Variants in LAMB3 observed in about 807,000 individuals in gnomAD.
LAMB3 encodes the protein laminin subunit beta 3, also known as laminin subunit beta-3.
In LAMB3, 104 loss-of-function variants were observed where a neutral mutation model predicts 140.3. The ratio of observed to expected loss-of-function variants is 0.74; its 90% CI spans 0.63 to 0.87. The LOEUF is 0.87. Ranked by LOEUF, LAMB3 falls within the 40% of genes least tolerant of loss-of-function variation. The pLI, the probability that LAMB3 is intolerant of heterozygous loss-of-function variation, is 0.00. For synonymous variants in LAMB3, 592 were observed against 602.9 expected (o/e 0.98, Z 0.26); for missense variants, 1,531 against 1,575.2 (o/e 0.97, Z 0.47).
chr1:209,623,927 T>G lies in LAMB3; in HGVS notation c.2050A>C (p.Ser684Arg). The G allele has an allele frequency of 6.2e-7, 1 of 1,614,028 alleles. No individual in the cohort carries two copies. Among genetic ancestry groups the G allele is most frequent in the Non-Finnish European group, 8.5e-7 (1 of 1,179,976 alleles). ...ETLSLPRDLE[S>R]LDRSFNGLLT... The stretch of plus-strand genomic sequence containing the variant: ...AGACCATTGAAGCTTCTGTCAAGAC[T>G]CTCCAGGTCTCTCGGAAGGGACAAC... The change falls in exon 15 of 23, where the codon AGT becomes CGT. Residue 684 changes from serine to arginine, a missense_variant. Ser to Arg is a moderately radical substitution (Grantham distance 110, BLOSUM62 -1). Coordinates refer to ENST00000356082, the MANE Select transcript of LAMB3 (RefSeq NM_000228.3). This position sits in a 1 kb window ranked among gnomAD's most constrained non-coding sequence, Gnocchi z 4.2.
chr1:209,647,765 G>T (rs569473303), intron 3 of LAMB3, among the ~76,000 whole-genome samples: 1 of 152,094 alleles, frequency 6.6e-6, no homozygotes, highest in Non-Finnish European at 1.5e-5. Context: ...TGTTTCTCTC[G>T]GAAGTCTAAG....
chr1:209,623,646 C>T lies in LAMB3; in HGVS notation c.2217G>A (p.Leu739=). 1 of 1,614,206 alleles carries T rather than the reference C, an allele frequency of 6.2e-7. No individual in the cohort carries two copies. ...AQQVSDSSRL[L]DQLRDSRREA... is the part of the protein sequence containing the mutation. ...CTCTCCGGCTGTCCCTGAGCTGGTCCAAAAGGCGCGAGCTGTCGGAGACCT... is the reference window on the plus strand; with the variant it reads ...CTCTCCGGCTGTCCCTGAGCTGGTCTAAAAGGCGCGAGCTGTCGGAGACCT... The change falls in exon 16 of 23, where the codon TTG becomes TTA. Residue 739 remains leucine, a synonymous_variant. Transcript: ENST00000356082. The surrounding 1 kb of genome is among the most constrained non-coding windows in gnomAD (Gnocchi z 4.2).
intron 8 of LAMB3, among the ~76,000 whole-genome samples, chr1:209,631,312 T>C (rs138057063): frequency 1.3e-5 from 2 of 152,328 alleles, no homozygotes; most frequent in South Asian, 2.1e-4. Flanking sequence ...GCTGACAGCA[T>C]AGCAAGATGA....
rs1666034566 is a variant in LAMB3, at chr1:209,617,918, T to C, written c.3040A>G (p.Arg1014Gly). ...TSRSLRLIQDRVAEVQQVLRP... is the reference protein window; with the variant it reads ...TSRSLRLIQDGVAEVQQVLRP... Reference sequence around the variant, plus strand: ...CCATAATGCCTCACCTCAGCAACCCTGTCCTGGATAAGCCGAAGGGAGCGG... The same window carrying C: ...CCATAATGCCTCACCTCAGCAACCCCGTCCTGGATAAGCCGAAGGGAGCGG... Residue 1014 changes from arginine (R) to glycine (G), a missense_variant, in exon 20 of 23, where the codon AGG becomes GGG. Transcript: ENST00000356082. The C allele has an allele frequency of 1.2e-6, 2 of 1,614,226 alleles. No individual in the cohort carries two copies. Among genetic ancestry groups the C allele is most frequent in the Non-Finnish European group, 1.7e-6 (2 of 1,180,052 alleles).
chr1:209,633,017 CTG>C, intron 7 of LAMB3, 51 bp downstream of exon 7: 1 of 1,375,618 alleles, frequency 7.3e-7, no homozygotes, highest in Non-Finnish European at 1.0e-6. Flanking sequence ...GGCTCCAACT[CTG>C]TTTCCTTTCC....
At chr1:209,630,895 C>A (rs1244722845) in intron 8 of LAMB3, among the ~76,000 whole-genome samples, 160 bp from the exon 9 acceptor site, 1 of 152,226 alleles carries the variant, frequency 6.6e-6, no homozygotes, top group East Asian at 1.9e-4. Context: ...CTTCACCCAG[C>A]TCCTGTGAAA....
At chr1:209,646,080 G>A (rs774549524) in intron 3 of LAMB3, among the ~76,000 whole-genome samples, 7 of 152,224 alleles carry the variant, frequency 4.6e-5, no homozygotes, top group Admixed American at 2.0e-4. Flanking sequence ...TATTAAGGCA[G>A]CTGGGCAATT....
chr1:209,617,653 T>A, intron 20 of LAMB3, 67 bp from the exon 21 acceptor site: 1 of 1,578,350 alleles, frequency 6.3e-7, no homozygotes, highest in African/African-American at 1.3e-5. Flanking sequence ...CATCCCCATT[T>A]TTTCTCCAAC....
At chr1:209,637,660 T>G (rs919564482) in intron 5 of LAMB3, among the ~76,000 whole-genome samples, 1 of 152,172 alleles carries the variant, frequency 6.6e-6, no homozygotes, top group Non-Finnish European at 1.5e-5. Flanking sequence ...CAGAGCTGAA[T>G]TAATTAGATG....
intron 18 of LAMB3, among the ~76,000 whole-genome samples, chr1:209,620,355 C>G (rs1666142581): frequency 6.6e-6 from 1 of 152,110 alleles, no homozygotes. Context: ...GAAGGGGCCC[C>G]CAGCGCCATC....
intron 3 of LAMB3, 106 bp downstream of exon 3, chr1:209,649,858 C>A: frequency 7.8e-7 from 1 of 1,280,032 alleles, no homozygotes; most frequent in Non-Finnish European, 1.1e-6. Context: ...GTGTAGTACA[C>A]AGGGCTTGGC....
chr1:209,628,285 C>T (rs1666552134), intron 10 of LAMB3, 95 bp from the exon 11 acceptor site: 3 of 1,364,622 alleles, frequency 2.2e-6, no homozygotes, highest in Non-Finnish European at 3.0e-6. Flanking sequence ...AATCCTTGTT[C>T]CACCACTGGA....
Position 209,627,448 on chromosome 1 carries a change from T to G in LAMB3, c.1420A>C (p.Ser474Arg). ...GCACACGGTTCACAGCCCTGGCCAC[T>G]GGCCAGCTTCCAGTGGTAGGGAGCA... ...QCAPYHWKLA[S>R]GQGCEPCACD... The change falls in exon 12 of 23, where the codon AGT (serine) becomes CGT (arginine). Residue 474 changes from serine (S) to arginine (R), a missense_variant. Physicochemically the swap from Ser to Arg is moderately radical, Grantham distance 110. Transcript: ENST00000356082. 6.2e-7 allele frequency: 1 copy of G among 1,613,960 alleles called. No homozygotes were observed. The highest frequency in any genetic ancestry group is 8.5e-7 in the Non-Finnish European group (1 of 1,180,012).
chr1:209,633,958 C>A (rs1666792326), intron 6 of LAMB3, among the ~76,000 whole-genome samples: 1 of 152,206 alleles, frequency 6.6e-6, no homozygotes, highest in Admixed American at 6.5e-5. Context: ...GGTTTAAGCT[C>A]AGGAGAATTC....
In LAMB3 at chr1:209,650,912, C is replaced by T. The variant is rs941880774; in HGVS notation, c.28+5G>A. 1 of 1,614,108 alleles carries T rather than the reference C, an allele frequency of 6.2e-7. No individual in the cohort carries two copies. Among genetic ancestry groups the T allele is most frequent in the Admixed American group, 1.7e-5 (1 of 60,018 alleles). On this transcript the variant is annotated splice_donor_5th_base_variant and intron_variant, in intron 2 of 22. Transcript: ENST00000356082. ...GGGCCTGGAAGGATGGGAAGGGGTA[C>T]TTACCAAAACACAAGAGGAAGAATG...
chr1:209,627,485 T>C lies in LAMB3; in HGVS notation c.1383A>G (p.Lys461=). The C allele has an allele frequency of 6.2e-7, 1 of 1,613,926 alleles. No individual in the cohort carries two copies. The highest frequency in any genetic ancestry group is 1.6e-4 in the Middle Eastern group (1 of 6,062). Residue 461 remains lysine (K), a synonymous_variant, in exon 12 of 23, where the codon AAA becomes AAG. Coordinates refer to ENST00000356082, the MANE Select transcript of LAMB3 (RefSeq NM_000228.3). The part of the protein sequence containing the change: ...CLCLPNVVGP[K]CDQCAPYHWK... The stretch of plus-strand genomic sequence containing the variant: ...AGTGGTAGGGAGCACACTGGTCACA[T>C]TTGGGACCCACCACGTTGGGCAGAC...
rs914928807 is a variant in LAMB3, at chr1:209,627,369, C to T, written c.1485+14G>A. On this transcript the variant is annotated intron_variant, in intron 12 of 22. Coordinates refer to ENST00000356082, the MANE Select transcript of LAMB3 (RefSeq NM_000228.3). ...TCCCACTGAGGGGGCCCCCGGACCACCCTCACTTCGTACCTGGTTGCACTG... is the reference window on the plus strand; with the variant it reads ...TCCCACTGAGGGGGCCCCCGGACCATCCTCACTTCGTACCTGGTTGCACTG... 6.2e-7 allele frequency: 1 copy of T among 1,606,294 alleles called. No individual in the cohort carries two copies. Among genetic ancestry groups the T allele is most frequent in the Non-Finnish European group, 8.5e-7 (1 of 1,174,154 alleles).
intron 13 of LAMB3, 111 bp downstream of exon 13, chr1:209,626,756 G>A (rs1411032687): frequency 2.5e-6 from 2 of 792,708 alleles, no homozygotes; most frequent in South Asian, 1.4e-5. Context: ...CACACCACAT[G>A]CATCAGTACA....
intron 8 of LAMB3, 117 bp downstream of exon 8, chr1:209,632,466 A>G (rs1420265973): frequency 2.4e-5 from 19 of 780,226 alleles, no homozygotes; most frequent in Non-Finnish European, 4.0e-5. Flanking sequence ...CTGCTGAAGT[A>G]TTAAATACCC....
Sources: gnomAD v4.1 joint callset for allele counts (sites outside exome capture counted in the v4.1 genomes callset) on GRCh38, gnomAD v4.1.1 for gene constraint, Gnocchi (gnomAD v3.1) non-coding constraint, MANE v1.5 for transcripts, NCBI Gene and HGNC (gene_info 2026-07-23, HGNC 2026-07-21) for gene names.